HEPH: variants seen among roughly 807,000 people sequenced by gnomAD.
The protein encoded by HEPH is hephaestin.
In HEPH, 69 loss-of-function variants were observed where a neutral mutation model predicts 80.8. The observed-to-expected ratio is 0.85, with a 90% CI of 0.70 to 1.04. HEPH has a LOEUF of 1.04. HEPH is among the 50% of genes least tolerant of loss of function. The pLI is 0.00. For synonymous variants in HEPH, 431 were observed against 322.8 expected (o/e 1.34, Z -3.60); for missense variants, 1,115 against 891.3 (o/e 1.25, Z -3.20).
chrX:66,230,030 GT>G (rs1427425008), intron 15 of HEPH, among the ~76,000 whole-genome samples: 2 of 100,537 alleles, frequency 2.0e-5, no homozygotes, highest in East Asian at 3.2e-4. Context: ...GTGGTGTTTG[GT>G]TTTTTGTTCT....
chrX:66,264,671 G>C (rs2091475558), intron 20 of HEPH, among the ~76,000 whole-genome samples: 1 of 108,717 alleles, frequency 9.2e-6, no homozygotes, highest in Non-Finnish European at 1.9e-5. Context: ...ATCTGCCTAA[G>C]TATCTCATGA....
chrX:66,179,521 A>G (rs1420481533), intron 4 of HEPH, among the ~76,000 whole-genome samples: 1 of 111,959 alleles, frequency 8.9e-6, no homozygotes, highest in African/African-American at 3.2e-5. Flanking sequence ...CATTGAATCT[A>G]TAAATTACCT....
chrX:66,188,699 A>G (rs770595026), intron 5 of HEPH, among the ~76,000 whole-genome samples, 158 bp downstream of exon 5: 2 of 112,220 alleles, frequency 1.8e-5, no homozygotes, highest in Non-Finnish European at 3.8e-5. Context: ...ACATGTGAGG[A>G]CACTGAGGCT....
chrX:66,230,710 CT>C (rs2090093317), intron 15 of HEPH, among the ~76,000 whole-genome samples: 1 of 105,763 alleles, frequency 9.5e-6, no homozygotes, highest in Non-Finnish European at 1.9e-5. Flanking sequence ...CGAAAATTTT[CT>C]CCCATTTTTT....
intron 4 of HEPH, among the ~76,000 whole-genome samples, chrX:66,176,534 A>G (rs2086809438): frequency 1.8e-5 from 2 of 111,296 alleles, no homozygotes; most frequent in Non-Finnish European, 1.9e-5. Context: ...GTTTTAGGGT[A>G]CATGTGCACA....
intron 11 of HEPH, among the ~76,000 whole-genome samples, chrX:66,199,335 C>A (rs1445081217): frequency 9.3e-6 from 1 of 107,413 alleles, no homozygotes; most frequent in African/African-American, 3.5e-5. Context: ...TATCTCCCCT[C>A]TTCCTTATAT....
At chrX:66,244,818 G>C (rs922140705) in intron 15 of HEPH, among the ~76,000 whole-genome samples, 4 of 110,073 alleles carry the variant, frequency 3.6e-5, no homozygotes, top group Non-Finnish European at 7.6e-5. Context: ...CTGTCCTTCA[G>C]ATAAGTTTTT....
At chrX:66,253,359 C>T (rs760909698) in intron 15 of HEPH, among the ~76,000 whole-genome samples, 1 of 112,347 alleles carries the variant, frequency 8.9e-6, no homozygotes, top group Non-Finnish European at 1.9e-5. Context: ...AGAGAAGATT[C>T]TCAACATGGT....
At chrX:66,252,283 T>C (rs2091030809) in intron 15 of HEPH, among the ~76,000 whole-genome samples, 1 of 111,803 alleles carries the variant, frequency 8.9e-6, no homozygotes, top group Non-Finnish European at 1.9e-5. Context: ...ATGTTGAGTC[T>C]GAGATAAAAA....
intron 15 of HEPH, among the ~76,000 whole-genome samples, chrX:66,251,260 T>G (rs1035249501): frequency 5.4e-5 from 6 of 112,041 alleles, no homozygotes; most frequent in African/African-American, 1.9e-4. Context: ...GATATTTAAC[T>G]TTATAAGGAA....
At chrX:66,174,239 A>T (rs192640020) in intron 4 of HEPH, among the ~76,000 whole-genome samples, 47 of 110,809 alleles carry the variant, frequency 4.2e-4, no homozygotes, top group African/African-American at 1.4e-3. Flanking sequence ...TAGCTTCCAC[A>T]TGTCAGTGAG....
At chrX:66,196,382 A>G (rs999847284) in intron 9 of HEPH, among the ~76,000 whole-genome samples, 3 of 111,711 alleles carry the variant, frequency 2.7e-5, no homozygotes, top group African/African-American at 9.8e-5. Flanking sequence ...ACTATTTTTT[A>G]AAGTTTTCTG....
intron 14 of HEPH, among the ~76,000 whole-genome samples, chrX:66,207,806 G>T (rs1275308804): frequency 9.0e-6 from 1 of 111,520 alleles, no homozygotes; most frequent in Non-Finnish European, 1.9e-5. Flanking sequence ...TATCGTCAAT[G>T]ATTCCACAGC....
intron 15 of HEPH, among the ~76,000 whole-genome samples, chrX:66,230,960 G>T (rs1421854860): frequency 9.4e-6 from 1 of 106,617 alleles, no homozygotes; most frequent in Admixed American, 1.0e-4. Context: ...TGTATAAGGT[G>T]TAAGGAAAGG....
chrX:66,233,768 A>G (rs763091406), intron 15 of HEPH, among the ~76,000 whole-genome samples: 4 of 110,763 alleles, frequency 3.6e-5, no homozygotes, highest in Non-Finnish European at 5.7e-5. Context: ...AAAGCATAAC[A>G]TGGAAATCAA....
intron 1 of HEPH, chrX:66,170,303 C>G: frequency 3.6e-6 from 1 of 274,865 alleles, no homozygotes; most frequent in Admixed American, 5.2e-5. Flanking sequence ...AAACTGGATC[C>G]AGATCTCTCT....
At chrX:66,199,053 G>A (rs1310513787) in intron 11 of HEPH, 25 bp downstream of exon 11, 1 of 1,187,143 alleles carries the variant, frequency 8.4e-7, no homozygotes, top group Non-Finnish European at 1.1e-6. Flanking sequence ...TTTGCCCTGG[G>A]CTAAATTGAG....
chrX:66,242,050 A>G lies in HEPH; in HGVS notation c.2564-12985A>G, dbSNP rs781027731. On this transcript the variant is annotated intron_variant, in intron 15 of 20. Transcript: ENST00000343002. ...TATATATGAGCCAAAAAATAGCTTG[A>G]GTAGGCAAGACAATCCTAAGCAGAA... is the stretch of plus-strand genomic sequence containing the variant. Among the ~76,000 whole-genome samples, 33 of 108,522 alleles carry G rather than the reference A, an allele frequency of 3.0e-4. 1 individual carries two copies. The highest frequency in any genetic ancestry group is 8.8e-4 in the Admixed American group (9 of 10,238). 94.2% of individuals were successfully genotyped at this position (108,522 alleles called of 115,157 possible). A position where few individuals can be genotyped will look rare whatever the true frequency, so the allele number is the denominator to read the frequency against.
chrX:66,248,924 G>GT (rs1274765243), intron 15 of HEPH, among the ~76,000 whole-genome samples: 14 of 111,704 alleles, frequency 1.3e-4, no homozygotes, highest in Non-Finnish European at 2.4e-4. Flanking sequence ...TATGATGAGA[G>GT]TTTTTTCTGA....
Sources: allele counts gnomAD v4.1 joint callset (sites outside exome capture counted in the v4.1 genomes callset), GRCh38; gene constraint gnomAD v4.1.1; transcripts MANE v1.5; gene names NCBI Gene and HGNC (gene_info 2026-07-23, HGNC 2026-07-21).